SCN8A: variants seen among roughly 807,000 people sequenced by gnomAD.
The protein encoded by SCN8A is sodium voltage-gated channel alpha subunit 8, also known as sodium channel protein type 8 subunit alpha.
A neutral mutation model predicts 184.1 loss-of-function variants in SCN8A; 30 were observed. That is an observed-to-expected ratio of 0.16 (90% CI 0.12 to 0.22). The LOEUF (loss-of-function observed/expected upper bound fraction) is 0.22. Among genes scored for constraint, SCN8A ranks in the 10% least tolerant of loss-of-function variants. SCN8A has a pLI of 1.00. For synonymous variants in SCN8A, 852 were observed against 907.0 expected (o/e 0.94, Z 1.09); for missense variants, 1,057 against 2,498.9 (o/e 0.42, Z 12.30).
At chr12:51,633,485 A>G (rs1017893844) in intron 1 of SCN8A, among the ~76,000 whole-genome samples, 2 of 152,186 alleles carry the variant, frequency 1.3e-5, no homozygotes, top group Non-Finnish European at 2.9e-5. Context: ...GTTTGCTTTC[A>G]CCAGTTATGC....
intron 1 of SCN8A, among the ~76,000 whole-genome samples, chr12:51,660,226 G>A (rs1237256200): frequency 6.6e-6 from 1 of 152,140 alleles, no homozygotes; most frequent in Non-Finnish European, 1.5e-5. Context: ...ATTGAAGATG[G>A]GATGAAGAGC....
chr12:51,691,968 A>G (rs1245849440), intron 6 of SCN8A, among the ~76,000 whole-genome samples: 1 of 152,202 alleles, frequency 6.6e-6, no homozygotes, highest in African/African-American at 2.4e-5. Context: ...TGTATGAGTC[A>G]GTGGATCTGG....
rs1385616733 is a variant in SCN8A at position 51,790,303 on chromosome 12, G to A, written c.4420-95G>A. ...TATTAGCTACAAAGGAAAGGGATAG[G>A]TCTCCCCTCAGTTCTCAGTATTGAA... On this transcript the variant is annotated intron_variant, in intron 24 of 26. Transcript: ENST00000627620. 1.6e-5 allele frequency: 12 copies of A among 762,720 alleles called. No individual in the cohort carries two copies. In the Admixed American group the frequency reaches 3.0e-4, roughly 19 times the overall value. The allele number at this position is 762,720 out of a possible 1,614,324, so 47.2% of individuals were successfully genotyped here.
intron 2 of SCN8A, among the ~76,000 whole-genome samples, chr12:51,671,064 A>G (rs1310189516): frequency 6.6e-6 from 1 of 152,232 alleles, no homozygotes; most frequent in African/African-American, 2.4e-5. Flanking sequence ...AATTTGGTAC[A>G]GAGACTAAAC....
Position 51,706,577 on chromosome 12 carries a change from G to A in SCN8A, c.1497G>A (p.Lys499=), listed in dbSNP as rs1266098909. The A allele has an allele frequency of 6.2e-7, 1 of 1,608,594 alleles. No homozygotes were observed. The highest frequency in any genetic ancestry group is 8.5e-7 in the Non-Finnish European group (1 of 1,177,294). The part of the protein sequence containing the change: ...KERRNRRKKR[K]QKELSEGEEK... ...GACGTAACAGGAGAAAGAAGAGGAA[G>A]CAAAAGGAACTCTCTGAAGGAGAGG... The change falls in exon 11 of 27, where the codon AAG becomes AAA. Residue 499 remains lysine, a synonymous_variant. Coordinates refer to ENST00000627620, the MANE Select transcript of SCN8A (RefSeq NM_001330260.2).
chr12:51,795,683 A>G (rs1020650836), intron 26 of SCN8A, among the ~76,000 whole-genome samples: 2 of 152,226 alleles, frequency 1.3e-5, no homozygotes, highest in African/African-American at 4.8e-5. Flanking sequence ...TACTTTAGGT[A>G]ACACTGCCTT....
chr12:51,686,293 A>G (rs1941418117), intron 3 of SCN8A, 75 bp from the exon 4 acceptor site: 3 of 846,958 alleles, frequency 3.5e-6, no homozygotes, highest in Non-Finnish European at 5.9e-6. Flanking sequence ...TCTGATACCC[A>G]ATGGAAATGT....
Position 51,699,555 on chromosome 12 carries a change from A to G in SCN8A, c.707-15A>G, listed in dbSNP as rs149586118. The G allele has an allele frequency of 1.9e-6, 3 of 1,596,182 alleles. No homozygotes were observed. In the East Asian group the frequency reaches 6.7e-5, roughly 36 times the overall value. On this transcript the variant is annotated splice_polypyrimidine_tract_variant and intron_variant, in intron 6 of 26. Coordinates refer to ENST00000627620, the MANE Select transcript of SCN8A (RefSeq NM_001330260.2). ...CTTTGAGGTGCCTCTGATTCCGGGGATTCTGTCTCCTCAGGCCTGAAGACA... is the reference window on the plus strand; with the variant it reads ...CTTTGAGGTGCCTCTGATTCCGGGGGTTCTGTCTCCTCAGGCCTGAAGACA...
At chr12:51,594,820 G>A (rs1939310016) in intron 1 of SCN8A, among the ~76,000 whole-genome samples, 1 of 151,992 alleles carries the variant, frequency 6.6e-6, no homozygotes, top group African/African-American at 2.4e-5. Flanking sequence ...AGGGAAAGAA[G>A]CGCTTGTAAA....
At position 51,789,341 on chromosome 12, in the gene SCN8A, A is replaced by G. The variant is rs1938178108; in HGVS notation, c.4342A>G (p.Ile1448Val). 3 of 1,614,020 alleles carry G rather than the reference A, an allele frequency of 1.9e-6. No homozygotes were observed. Among genetic ancestry groups the G allele is most frequent in the Non-Finnish European group, 2.5e-6 (3 of 1,179,894 alleles). Residue 1448 changes from isoleucine to valine, a missense_variant, in exon 24 of 27, where the codon ATC (isoleucine) becomes GTC (valine). This residue lies in a region of SCN8A where 37 missense variants were observed against 216.1 expected (regional missense o/e 0.17). Transcript: ENST00000627620. ...CATGTACATCTATTTTGTCATCTTCATCATCTTCGGCTCCTTCTTCACCCT... is the reference window on the plus strand; with the variant it reads ...CATGTACATCTATTTTGTCATCTTCGTCATCTTCGGCTCCTTCTTCACCCT... ...IYMYIYFVIF[I>V]IFGSFFTLNL...
chr12:51,686,205 G>A (rs1265776655), intron 3 of SCN8A, among the ~76,000 whole-genome samples, 163 bp from the exon 4 acceptor site: 1 of 152,234 alleles, frequency 6.6e-6, no homozygotes. Flanking sequence ...CTGTGTTTAT[G>A]GTGGTGACCA....
rs914661354 is a variant in SCN8A, at chr12:51,770,037, A to G, written c.3490+52A>G. ...CTGGGGACACTCGTGTTGCTCACAG[A>G]CACAGTTGTGCCAGGGCTAGTGGTG... On this transcript the variant is annotated intron_variant, in intron 18 of 26. Transcript: ENST00000627620. 14 of 1,283,128 alleles carry G rather than the reference A, an allele frequency of 1.1e-5. No individual in the cohort carries two copies. In the African/African-American group the frequency reaches 2.1e-4, roughly 19 times the overall value. The allele number at this position is 1,283,128 out of a possible 1,614,324, so 79.5% of individuals were successfully genotyped here.
At chr12:51,696,458 A>G (rs1452455684) in intron 6 of SCN8A, among the ~76,000 whole-genome samples, 1 of 152,192 alleles carries the variant, frequency 6.6e-6, no homozygotes, top group Non-Finnish European at 1.5e-5. Flanking sequence ...AACAATTTTT[A>G]TTTCTTGATG....
rs1450876249 is a variant in SCN8A, at chr12:51,686,404, C to T, written c.432C>T (p.Thr144=). ...FSMIIMCTIL[T]NCVFMTFSNP... Reference sequence around the variant, plus strand: ...TGATCATTATGTGCACTATTTTGACCAACTGTGTATTCATGACTTTTAGTA... The same window carrying T: ...TGATCATTATGTGCACTATTTTGACTAACTGTGTATTCATGACTTTTAGTA... The change falls in exon 4 of 27, where the codon ACC becomes ACT. Residue 144 remains threonine, a synonymous_variant. Coordinates refer to ENST00000627620, the MANE Select transcript of SCN8A (RefSeq NM_001330260.2). 1 of 1,612,300 alleles carries T rather than the reference C, an allele frequency of 6.2e-7. No homozygotes were observed. Among genetic ancestry groups the T allele is most frequent in the Admixed American group, 1.7e-5 (1 of 59,922 alleles).
At chr12:51,718,048 A>G (rs956237714) in intron 11 of SCN8A, among the ~76,000 whole-genome samples, 10 of 152,190 alleles carry the variant, frequency 6.6e-5, no homozygotes, top group Admixed American at 6.5e-4. Flanking sequence ...AAAATATACC[A>G]ATCTGGGGAC....
rs181567410 is a variant in SCN8A, at chr12:51,788,493, G to T, written c.4228-202G>T. 24 of 376,514 alleles carry T rather than the reference G, an allele frequency of 6.4e-5. No individual in the cohort carries two copies. In the Admixed American group the frequency reaches 9.4e-4, roughly 15 times the overall value. The allele number at this position is 376,514 out of a possible 1,614,324, so 23.3% of individuals were successfully genotyped here. Reference sequence around the variant, plus strand: ...ATTACCATTTTCAACATGTTTATTTGCCAAACTTTGTTGTTATTTTCAGGA... The same window carrying T: ...ATTACCATTTTCAACATGTTTATTTTCCAAACTTTGTTGTTATTTTCAGGA... On this transcript the variant is annotated intron_variant, in intron 22 of 26. Transcript: ENST00000627620.
At chr12:51,752,622 T>C (rs567479721) in intron 14 of SCN8A, among the ~76,000 whole-genome samples, 1 of 152,282 alleles carries the variant, frequency 6.6e-6, no homozygotes, top group Admixed American at 6.5e-5. Context: ...GGTGACATGC[T>C]CCAGGCTCTC....
chr12:51,725,256 A>C (rs749445565), intron 12 of SCN8A, among the ~76,000 whole-genome samples: 7 of 152,212 alleles, frequency 4.6e-5, no homozygotes, highest in Non-Finnish European at 8.8e-5. Flanking sequence ...AGTTACATTA[A>C]TAGGCCCAAA....
At chr12:51,607,483 G>A (rs1392412557) in intron 1 of SCN8A, among the ~76,000 whole-genome samples, 1 of 152,122 alleles carries the variant, frequency 6.6e-6, no homozygotes, top group Non-Finnish European at 1.5e-5. Flanking sequence ...AGTGGTGAGA[G>A]TAGGCATCCT....
Sources: allele counts gnomAD v4.1 joint callset (sites outside exome capture counted in the v4.1 genomes callset), GRCh38; gene constraint gnomAD v4.1.1; regional missense constraint gnomAD v4.1.1; transcripts MANE v1.5; gene names NCBI Gene and HGNC (gene_info 2026-07-23, HGNC 2026-07-21).